SND1: variants seen among roughly 807,000 people sequenced by gnomAD.
The protein encoded by SND1 is staphylococcal nuclease domain-containing protein 1.
Under a neutral mutation model 121.7 loss-of-function variants are expected in SND1, and 38 were observed. That is an observed-to-expected ratio of 0.31 (90% CI 0.24 to 0.41). SND1 has a LOEUF of 0.41. Among genes scored for constraint, SND1 ranks in the 10% least tolerant of loss-of-function variants. The pLI is 1.00. For missense variants in SND1, 868 were observed against 1,184.6 expected, an observed-to-expected ratio of 0.73 and a Z score of 3.92; for synonymous variants, 401 against 447.4, an observed-to-expected ratio of 0.90 and a Z score of 1.31.
At chr7:127,914,267 C>T (rs1457645181) in intron 14 of SND1, among the ~76,000 whole-genome samples, 3 of 152,164 alleles carry the variant, frequency 2.0e-5, no homozygotes, top group African/African-American at 7.2e-5. Context: ...TACTTAAGGT[C>T]CTCAGTTGAC....
intron 10 of SND1, among the ~76,000 whole-genome samples, chr7:127,775,496 A>G (rs1487373684): frequency 6.6e-6 from 1 of 152,178 alleles, no homozygotes; most frequent in Non-Finnish European, 1.5e-5. Context: ...GAATGTTTCA[A>G]TAGATCATAA....
At chr7:127,984,794 A>C (rs1047843040) in intron 15 of SND1, among the ~76,000 whole-genome samples, 1 of 152,174 alleles carries the variant, frequency 6.6e-6, no homozygotes, top group Non-Finnish European at 1.5e-5. Context: ...TGAAAATCTA[A>C]TAGGAGCCTA....
intron 10 of SND1, among the ~76,000 whole-genome samples, chr7:127,747,659 T>G (rs891299770): frequency 1.3e-5 from 2 of 152,232 alleles, no homozygotes; most frequent in African/African-American, 4.8e-5. Context: ...ATCAGTGCTT[T>G]AAGGAAATGA....
intron 1 of SND1, among the ~76,000 whole-genome samples, chr7:127,685,613 C>A (rs1016320535): frequency 6.6e-6 from 1 of 152,188 alleles, no homozygotes; most frequent in African/African-American, 2.4e-5. Context: ...AAGGTTAATG[C>A]CAGTGAGCTT....
At chr7:127,920,425 T>C (rs911800787) in intron 14 of SND1, among the ~76,000 whole-genome samples, 11 of 152,076 alleles carry the variant, frequency 7.2e-5, no homozygotes, top group Non-Finnish European at 1.3e-4. Flanking sequence ...GGAAGAACTC[T>C]TGGGAGGAAG....
intron 14 of SND1, among the ~76,000 whole-genome samples, chr7:127,919,727 A>G (rs1193922701): frequency 6.6e-6 from 1 of 152,190 alleles, no homozygotes; most frequent in Non-Finnish European, 1.5e-5. Flanking sequence ...AAAATTCATT[A>G]TCATTTAATT....
chr7:127,826,437 C>A (rs6467153), intron 11 of SND1, among the ~76,000 whole-genome samples: 45,850 of 151,868 alleles, frequency 0.3, 7,613 homozygotes, highest in African/African-American at 0.45. Flanking sequence ...TTATAGTCAT[C>A]TAGATTTGAG....
chr7:128,028,350 G>C (rs1159524544), intron 16 of SND1: 2 of 239,180 alleles, frequency 8.4e-6, no homozygotes, highest in Non-Finnish European at 1.6e-5. Flanking sequence ...ACCTCTTTAA[G>C]GATGTTTGTT....
chr7:127,977,304 A>G (rs1367845239), intron 15 of SND1, among the ~76,000 whole-genome samples: 2 of 152,266 alleles, frequency 1.3e-5, no homozygotes, highest in Non-Finnish European at 2.9e-5. Context: ...TTCACGTCTC[A>G]TGAGGACCTT....
chr7:127,936,691 A>T (rs944208579), intron 15 of SND1, among the ~76,000 whole-genome samples: 1 of 151,922 alleles, frequency 6.6e-6, no homozygotes, highest in African/African-American at 2.4e-5. Context: ...CAGCAGGTGC[A>T]TGCCACCACA....
chr7:127,824,090 G>A (rs1563026063), intron 11 of SND1, among the ~76,000 whole-genome samples: 1 of 152,114 alleles, frequency 6.6e-6, no homozygotes, highest in Non-Finnish European at 1.5e-5. Context: ...TTTTAAAAAA[G>A]TAAATAACTA....
At position 128,033,843 on chromosome 7, in the gene SND1, A is replaced by G. The variant is rs75657443; in HGVS notation, c.1780-40659A>G. On this transcript the variant is annotated intron_variant, in intron 16 of 23. Transcript: ENST00000354725. ...GTCAAGAAACTTGGGTGTGGAAGTG[A>G]TTCCCCAAAGTATTCTCCTAGTGGG... is the stretch of plus-strand genomic sequence containing the variant. 3.0e-3 allele frequency among the ~76,000 whole-genome samples: 457 copies of G among 152,316 alleles called. 2 individuals carry two copies. Among genetic ancestry groups the G allele is most frequent in the African/African-American group, 9.3e-3 (388 of 41,562 alleles).
At chr7:127,698,775 C>A in intron 3 of SND1, 100 bp from the exon 4 acceptor site, 2 of 878,914 alleles carry the variant, frequency 2.3e-6, no homozygotes, top group Non-Finnish European at 3.8e-6. Flanking sequence ...CAGCATTATT[C>A]TCCTTGAGGA....
At chr7:128,043,582 T>C (rs925353713) in intron 16 of SND1, among the ~76,000 whole-genome samples, 12 of 150,482 alleles carry the variant, frequency 8.0e-5, no homozygotes, top group Admixed American at 2.7e-4. Flanking sequence ...AAAAAATAAA[T>C]TTTTATATAT....
chr7:127,703,087 G>T, intron 6 of SND1, 78 bp from the exon 7 acceptor site: 1 of 1,517,544 alleles, frequency 6.6e-7, no homozygotes, highest in South Asian at 1.2e-5. Context: ...TGTGTTTTTT[G>T]GAAGGCTTAG....
chr7:127,724,068 G>A (rs1796542480), intron 10 of SND1, among the ~76,000 whole-genome samples: 1 of 152,196 alleles, frequency 6.6e-6, no homozygotes, highest in African/African-American at 2.4e-5. Flanking sequence ...GCATGAACAG[G>A]TAGTCATTGT....
chr7:127,754,317 T>C (rs983534447), intron 10 of SND1, among the ~76,000 whole-genome samples: 2 of 152,240 alleles, frequency 1.3e-5, no homozygotes, highest in Non-Finnish European at 2.9e-5. Context: ...GGATGTTTTG[T>C]TACTTTTTAC....
At chr7:127,786,272 T>A (rs1797810069) in intron 10 of SND1, among the ~76,000 whole-genome samples, 1 of 152,216 alleles carries the variant, frequency 6.6e-6, no homozygotes, top group Non-Finnish European at 1.5e-5. Flanking sequence ...TTTAAATTGA[T>A]CGCTATGTAT....
At chr7:128,011,262 C>G (rs1803112081) in intron 16 of SND1, among the ~76,000 whole-genome samples, 1 of 152,104 alleles carries the variant, frequency 6.6e-6, no homozygotes, top group African/African-American at 2.4e-5. Context: ...CAGACTGGCC[C>G]AGTGCAGAGG....
Sources: allele counts gnomAD v4.1 joint callset (sites outside exome capture counted in the v4.1 genomes callset), GRCh38; gene constraint gnomAD v4.1.1; transcripts MANE v1.5; gene names NCBI Gene and HGNC (gene_info 2026-07-23, HGNC 2026-07-21).